UBE2E2: variants seen among roughly 807,000 people sequenced by gnomAD.
UBE2E2 encodes the protein ubiquitin-conjugating enzyme E2 E2.
Under a neutral mutation model 24.7 loss-of-function variants are expected in UBE2E2, and 6 were observed. That is an observed-to-expected ratio of 0.24 (90% CI 0.13 to 0.48). The LOEUF (loss-of-function observed/expected upper bound fraction) is 0.48. Ranked by LOEUF, UBE2E2 falls within the 20% of genes least tolerant of loss-of-function variation. UBE2E2 has a pLI of 0.99. For synonymous variants in UBE2E2, 104 were observed against 83.6 expected (o/e 1.24, Z -1.33); for missense variants, 169 against 245.0 (o/e 0.69, Z 2.07).
intron 3 of UBE2E2, among the ~76,000 whole-genome samples, chr3:23,376,252 G>C (rs941482614): frequency 7.9e-5 from 12 of 152,130 alleles, no homozygotes; most frequent in African/African-American, 2.9e-4. Flanking sequence ...TTGCTTTTGA[G>C]GAGCTTTTCT....
intron 5 of UBE2E2, among the ~76,000 whole-genome samples, chr3:23,582,340 T>C (rs571912796): frequency 1.3e-5 from 2 of 152,316 alleles, no homozygotes; most frequent in East Asian, 3.9e-4. Context: ...TCCATGTCTT[T>C]GCTGATGTGA....
intron 1 of UBE2E2, among the ~76,000 whole-genome samples, chr3:23,205,507 C>T (rs541152304): frequency 6.6e-6 from 1 of 152,172 alleles, no homozygotes; most frequent in East Asian, 1.9e-4. Context: ...CTGAGTGGTA[C>T]AATAATTTTT....
At position 23,589,825 on chromosome 3, in the gene UBE2E2, C is replaced by T; in HGVS notation, c.600C>T (p.Ala200=). Residue 200 remains alanine, a synonymous_variant, in exon 6 of 6, where the codon GCC becomes GCT. Transcript: ENST00000396703. The surrounding 1 kb of genome is among the most constrained non-coding windows in gnomAD (Gnocchi z 4.1). ...RMARQWTKRY[A]T is the part of the protein sequence containing the mutation. ...CCAGACAGTGGACCAAGCGGTACGC[C>T]ACATAGGGGCCTGCTGCCTGCCGCC... 6.2e-7 allele frequency: 1 copy of T among 1,614,178 alleles called. No individual in the cohort carries two copies. Among genetic ancestry groups the T allele is most frequent in the South Asian group, 1.1e-5 (1 of 91,076 alleles).
chr3:23,367,999 A>G (rs1189046629), intron 3 of UBE2E2, among the ~76,000 whole-genome samples: 8 of 152,176 alleles, frequency 5.3e-5, no homozygotes, highest in African/African-American at 1.9e-4. Context: ...TTTTCCGTAC[A>G]CAGAATGGTC....
chr3:23,419,720 G>A lies in UBE2E2; in HGVS notation c.228-79888G>A, dbSNP rs114206355. The stretch of plus-strand genomic sequence containing the variant: ...CTCAAAATTATGGCCTTTGTGTCTC[G>A]TATACCTTCTGACAGATATTAGGCA... On this transcript the variant is annotated intron_variant, in intron 3 of 5. Coordinates refer to ENST00000396703, the MANE Select transcript of UBE2E2 (RefSeq NM_152653.4). 7.4e-3 allele frequency among the ~76,000 whole-genome samples: 1,130 copies of A among 152,180 alleles called. 12 individuals are homozygous for A. The highest frequency in any genetic ancestry group is 0.026 in the African/African-American group (1,060 of 41,502).
At chr3:23,273,702 C>T (rs1457693938) in intron 3 of UBE2E2, 17 of 152,184 alleles carry the variant, frequency 1.1e-4, no homozygotes, top group Admixed American at 1.1e-3. Context: ...CATGAAATAA[C>T]TGAATAAGAA....
chr3:23,325,505 C>T (rs1353904396), intron 3 of UBE2E2, among the ~76,000 whole-genome samples: 11 of 152,150 alleles, frequency 7.2e-5, no homozygotes, highest in Admixed American at 7.2e-4. Flanking sequence ...ATACAGAAAA[C>T]ATTAGATATA....
At chr3:23,541,811 G>A (rs1259695930) in intron 5 of UBE2E2, among the ~76,000 whole-genome samples, 1 of 152,172 alleles carries the variant, frequency 6.6e-6, no homozygotes, top group Non-Finnish European at 1.5e-5. Context: ...CTGACTATGT[G>A]CCTATAGGCT....
chr3:23,346,084 C>A (rs1475485786), intron 3 of UBE2E2, among the ~76,000 whole-genome samples: 1 of 152,066 alleles, frequency 6.6e-6, no homozygotes, highest in Non-Finnish European at 1.5e-5. Context: ...ATTTTTAAGC[C>A]CCCCTACTTC....
At chr3:23,296,617 G>C (rs1223240159) in intron 3 of UBE2E2, among the ~76,000 whole-genome samples, 1 of 152,136 alleles carries the variant, frequency 6.6e-6, no homozygotes, top group South Asian at 2.1e-4. Context: ...CTTCATCCAT[G>C]TCCCTGCAAA....
chr3:23,303,374 C>T (rs914152829), intron 3 of UBE2E2, among the ~76,000 whole-genome samples: 14 of 152,062 alleles, frequency 9.2e-5, no homozygotes, highest in African/African-American at 2.7e-4. Flanking sequence ...CCCCTCAACC[C>T]GGGTGTGTGG....
intron 3 of UBE2E2, among the ~76,000 whole-genome samples, chr3:23,269,338 A>C (rs1043607093): frequency 6.6e-6 from 1 of 152,176 alleles, no homozygotes; most frequent in African/African-American, 2.4e-5. Context: ...TCTACAATGA[A>C]CTCAAAAAAT....
chr3:23,225,313 T>G (rs78059865), intron 3 of UBE2E2, among the ~76,000 whole-genome samples: 1,957 of 152,208 alleles, frequency 0.013, 37 homozygotes, highest in African/African-American at 0.043. Context: ...GAAGTCTAAA[T>G]ATCTGTTTTT....
At chr3:23,511,560 A>C (rs1229450047) in intron 4 of UBE2E2, among the ~76,000 whole-genome samples, 2 of 152,234 alleles carry the variant, frequency 1.3e-5, no homozygotes, top group Admixed American at 1.3e-4. Flanking sequence ...TTTGGGTGTT[A>C]AAACCCTAGA....
chr3:23,302,798 T>C (rs546551261), intron 3 of UBE2E2, among the ~76,000 whole-genome samples: 1 of 152,362 alleles, frequency 6.6e-6, no homozygotes, highest in East Asian at 1.9e-4. Flanking sequence ...TATTTTAATA[T>C]AATGTTATCA....
chr3:23,440,387 C>T (rs565372300), intron 3 of UBE2E2, among the ~76,000 whole-genome samples: 27 of 152,280 alleles, frequency 1.8e-4, no homozygotes, highest in Non-Finnish European at 5.9e-5. Context: ...AGATTACAGG[C>T]ATGGGCCATT....
intron 3 of UBE2E2, among the ~76,000 whole-genome samples, chr3:23,496,741 G>T (rs1023064094): frequency 1.3e-5 from 2 of 152,072 alleles, no homozygotes; most frequent in Non-Finnish European, 2.9e-5. Context: ...GTCTTCTGGT[G>T]ATACACACAT....
At chr3:23,462,254 T>C (rs1323712239) in intron 3 of UBE2E2, among the ~76,000 whole-genome samples, 2 of 152,170 alleles carry the variant, frequency 1.3e-5, no homozygotes. Context: ...TTGCCCAGTG[T>C]ATAGCTAGTA....
chr3:23,563,921 G>C (rs1695996979), intron 5 of UBE2E2, among the ~76,000 whole-genome samples: 1 of 151,492 alleles, frequency 6.6e-6, no homozygotes, highest in African/African-American at 2.4e-5. Context: ...CCTCTGACAA[G>C]ATGGAGCAAA....
Sources: gnomAD v4.1 joint callset for allele counts (sites outside exome capture counted in the v4.1 genomes callset) on GRCh38, gnomAD v4.1.1 for gene constraint, Gnocchi (gnomAD v3.1) non-coding constraint, MANE v1.5 for transcripts, NCBI Gene and HGNC (gene_info 2026-07-23, HGNC 2026-07-21) for gene names.